Variants in FBXO41 observed in about 807,000 individuals in gnomAD.
FBXO41 encodes the protein F-box only protein 41.
Under a neutral mutation model 81.6 loss-of-function variants are expected in FBXO41, and 33 were observed. The observed-to-expected ratio is 0.40, with a 90% CI of 0.31 to 0.54. The LOEUF (loss-of-function observed/expected upper bound fraction) is 0.54. FBXO41 is among the 20% of genes least tolerant of loss of function. The pLI is 0.39. For synonymous variants in FBXO41, 576 were observed against 552.7 expected, an observed-to-expected ratio of 1.04 and a Z score of -0.59; for missense variants, 1,107 against 1,236.0, an observed-to-expected ratio of 0.90 and a Z score of 1.56.
At position 73,266,481 on chromosome 2, in the gene FBXO41, G is replaced by T; in HGVS notation, c.1107C>A (p.Pro369=). 6.5e-7 allele frequency: 1 copy of T among 1,544,858 alleles called. No individual in the cohort carries two copies. The highest frequency in any genetic ancestry group is 2.4e-5 in the East Asian group (1 of 41,008). The change falls in exon 3 of 13, where the codon CCC becomes CCA. Residue 369 remains proline, a synonymous_variant. Transcript: ENST00000520530. This position sits in a 1 kb window ranked among gnomAD's most constrained non-coding sequence, Gnocchi z 5.3. The stretch of plus-strand genomic sequence containing the variant: ...CCATTCTGCCTGGGCCCCGGGCATT[G>T]GGTCCAGCACCACCGCCCCCACCTC... ...GRGGGGGGAG[P]NARGPGRMRE...
At chr2:73,276,568 G>GAGAC (rs1233946399) in intron 1 of FBXO41, among the ~76,000 whole-genome samples, 6 of 116,748 alleles carry the variant, frequency 5.1e-5, no homozygotes, top group Non-Finnish European at 8.3e-5. Flanking sequence ...TTCAGAGAGA[G>GAGAC]AGAGAGAGAG....
At position 73,269,818 on chromosome 2, in the gene FBXO41, C is replaced by G. The variant is rs1688434556; in HGVS notation, c.-138-50G>C. Reference sequence around the variant, plus strand: ...GGAAGAGGGTATCGCTGCTCCCACCCTGGCTCCCAGCCCGGAGCCCTCATC... The same window carrying G: ...GGAAGAGGGTATCGCTGCTCCCACCGTGGCTCCCAGCCCGGAGCCCTCATC... On this transcript the variant is annotated intron_variant, in intron 1 of 12. Transcript: ENST00000520530. This position sits in a 1 kb window ranked among gnomAD's most constrained non-coding sequence, Gnocchi z 7.0. 1 of 232,698 alleles carries G rather than the reference C, an allele frequency of 4.3e-6. No individual in the cohort carries two copies. The highest frequency in any genetic ancestry group is 1.7e-4 in the South Asian group (1 of 5,774). 14.4% of individuals were successfully genotyped at this position (232,698 alleles called of 1,614,324 possible).
intron 7 of FBXO41, 34 bp downstream of exon 7, chr2:73,263,904 A>G (rs1688121319): frequency 6.2e-7 from 1 of 1,613,594 alleles, no homozygotes; most frequent in Non-Finnish European, 8.5e-7. Flanking sequence ...CTGTGGCCCA[A>G]CAGCACCCAC....
At chr2:73,281,158 G>A (rs966902508) in intron 1 of FBXO41, among the ~76,000 whole-genome samples, 12 of 152,194 alleles carry the variant, frequency 7.9e-5, no homozygotes, top group African/African-American at 2.9e-4. Flanking sequence ...CAAGGCCCAT[G>A]TTAGGCACTG....
rs1229112189 is a variant in FBXO41, at chr2:73,284,285, T to G, written c.-264A>C. 6.6e-6 allele frequency: 1 copy of G among 151,618 alleles called. No individual in the cohort carries two copies. Among genetic ancestry groups the G allele is most frequent in the Non-Finnish European group, 1.5e-5 (1 of 67,858 alleles). The allele number at this position is 151,618 out of a possible 1,614,324, so 9.4% of individuals were successfully genotyped here. On this transcript the variant is annotated 5_prime_UTR_variant, in exon 1 of 13. Transcript: ENST00000520530. The surrounding 1 kb of genome is among the most constrained non-coding windows in gnomAD (Gnocchi z 7.4). Reference sequence around the variant, plus strand: ...CGGATCTCGTTCCCCTCCGCAGCCTTGGGTGGCCGCCGCGGCTAGCGCCCC... The same window carrying G: ...CGGATCTCGTTCCCCTCCGCAGCCTGGGGTGGCCGCCGCGGCTAGCGCCCC...
chr2:73,265,110 A>G (rs1286990951), intron 5 of FBXO41, among the ~76,000 whole-genome samples, 172 bp downstream of exon 5: 1 of 152,132 alleles, frequency 6.6e-6, no homozygotes, highest in Non-Finnish European at 1.5e-5. Context: ...AGACAATCTG[A>G]GCATACTTGT....
At chr2:73,275,436 G>C (rs528434884) in intron 1 of FBXO41, among the ~76,000 whole-genome samples, 1 of 152,126 alleles carries the variant, frequency 6.6e-6, no homozygotes, top group Non-Finnish European at 1.5e-5. Context: ...GCCCACCTTG[G>C]CCTGCCAAAG....
At chr2:73,280,524 C>T (rs1452646924) in intron 1 of FBXO41, among the ~76,000 whole-genome samples, 1 of 152,230 alleles carries the variant, frequency 6.6e-6, no homozygotes, top group Non-Finnish European at 1.5e-5. Context: ...CTGCTTCTCT[C>T]CCATGTGTGT....
At position 73,255,424 on chromosome 2, in the gene FBXO41, G is replaced by C. The variant is rs1240827259; in HGVS notation, c.*3558C>G. The C allele has an allele frequency of 6.5e-6, 1 of 152,860 alleles. No individual in the cohort carries two copies. The highest frequency in any genetic ancestry group is 2.4e-5 in the African/African-American group (1 of 41,470). The allele number at this position is 152,860 out of a possible 1,614,324, so 9.5% of individuals were successfully genotyped here. On this transcript the variant is annotated 3_prime_UTR_variant, in exon 13 of 13. Transcript: ENST00000520530. ...ACACAGCAATATATACAGAAATGCA[G>C]GCCGGGCACAAGGCTGGGTGAGAAA...
At chr2:73,283,425 A>G (rs1318810845) in intron 1 of FBXO41, among the ~76,000 whole-genome samples, 1 of 152,188 alleles carries the variant, frequency 6.6e-6, no homozygotes, top group Non-Finnish European at 1.5e-5. Flanking sequence ...GCAAACAGGC[A>G]TACACCTCCC....
rs558260376 is a variant in FBXO41, at chr2:73,281,189, AG to A, written c.-139+2970del. Among the ~76,000 whole-genome samples the A allele has an allele frequency of 2.0e-5, 3 of 152,326 alleles. No homozygotes were observed. The East Asian group carries it at 5.8e-4, about 29-fold the overall frequency. On this transcript the variant is annotated intron_variant, in intron 1 of 12. Transcript: ENST00000520530. ...CACTGGGTACACATAAATGAATGAG[AG>A]TTGTGCCATTAGGGTGCCTGTAGTT...
chr2:73,263,719 C>T lies in FBXO41; in HGVS notation c.2034G>A (p.Leu678=), dbSNP rs778982930. The change falls in exon 8 of 13, where the codon CTG becomes CTA. Residue 678 remains leucine (L), a synonymous_variant. Coordinates refer to ENST00000520530, the MANE Select transcript of FBXO41 (RefSeq NM_001371389.2). ...GCAGGGCACGGCAGTAGCAGCTGGC[C>T]AGCCAGAGCGAGCGGTCGGTGAGGA... ...PNILTDRSLW[L]ASCYCRALQA... The T allele has an allele frequency of 1.2e-6, 2 of 1,613,934 alleles. No homozygotes were observed. The highest frequency in any genetic ancestry group is 2.2e-5 in the East Asian group (1 of 44,876).
rs1688333869 is a variant in FBXO41 at position 73,268,109 on chromosome 2, GCTATGT to G, written c.905+611_905+616del. 3.3e-5 allele frequency among the ~76,000 whole-genome samples: 5 copies of G among 152,300 alleles called. No homozygotes were observed. In the South Asian group the frequency reaches 1.0e-3, roughly 32 times the overall value. Reference sequence around the variant, plus strand: ...AGTGAAGAAGGCATGTCAGGGATCAGCTATGTCAAATGCCACCAATGGGCCAAGTAA... The same window carrying G: ...AGTGAAGAAGGCATGTCAGGGATCAGCAAATGCCACCAATGGGCCAAGTAA... On this transcript the variant is annotated intron_variant, in intron 2 of 12. Coordinates refer to ENST00000520530, the MANE Select transcript of FBXO41 (RefSeq NM_001371389.2).
chr2:73,259,591 T>C lies in FBXO41; in HGVS notation c.2450-295A>G, dbSNP rs1687934020. 6.6e-6 allele frequency among the ~76,000 whole-genome samples: 1 copy of C among 152,014 alleles called. No individual in the cohort carries two copies. Among genetic ancestry groups the C allele is most frequent in the African/African-American group, 2.4e-5 (1 of 41,380 alleles). The stretch of plus-strand genomic sequence containing the variant: ...GGGCAGCTATACCATGGTCTGGGCA[T>C]TTGGGGATGAATGGCAAGGAACAGA... On this transcript the variant is annotated intron_variant, in intron 11 of 12. Coordinates refer to ENST00000520530, the MANE Select transcript of FBXO41 (RefSeq NM_001371389.2). This position sits in a 1 kb window ranked among gnomAD's most constrained non-coding sequence, Gnocchi z 4.2.
chr2:73,260,437 C>T lies in FBXO41; in HGVS notation c.2401G>A (p.Val801Met), dbSNP rs1320623339. Reference sequence around the variant, plus strand: ...GGGGTGACGGGAGTCGCCGTGAGCACCAGCATCTCCAGTCCCTTCAGGCCT... The same window carrying T: ...GGGGTGACGGGAGTCGCCGTGAGCATCAGCATCTCCAGTCCCTTCAGGCCT... ...REGLKGLEMLVLTATPVTPKA... is the reference protein window; with the variant it reads ...REGLKGLEMLMLTATPVTPKA... The change falls in exon 11 of 13, where the codon GTG (valine) becomes ATG (methionine). Residue 801 changes from valine to methionine, a missense_variant. Physicochemically the swap from Val to Met is conservative, Grantham distance 21. Around this residue, in one of 2 missense-constraint regions of FBXO41, gnomAD observed 336 missense variants for 446.7 expected, o/e 0.75. Transcript: ENST00000520530. This position sits in a 1 kb window ranked among gnomAD's most constrained non-coding sequence, Gnocchi z 5.0. 7.5e-6 allele frequency: 12 copies of T among 1,610,132 alleles called. No homozygotes were observed. In the Admixed American group the frequency reaches 1.3e-4, roughly 18 times the overall value.
At position 73,265,349 on chromosome 2, in the gene FBXO41, C is replaced by G. The variant is rs377555341; in HGVS notation, c.1497G>C (p.Glu499Asp). Residue 499 changes from glutamate to aspartate, a missense_variant, in exon 5 of 13, where the codon GAG becomes GAC. Physicochemically the swap from Glu to Asp is conservative, Grantham distance 45 (BLOSUM62 2). Transcript: ENST00000520530. ...CGGGGCGGGGCGCATCCAACGGGCC[C>G]TCAGCCTCTGACTCAGTGGTTCGGG... ...VGSRTTESEA[E>D]GPLDAPRPGP... 3.4e-5 allele frequency: 55 copies of G among 1,612,016 alleles called. No homozygotes were observed. In the African/African-American group the frequency reaches 5.5e-4, roughly 16 times the overall value.
chr2:73,259,158 C>G lies in FBXO41; in HGVS notation c.2565+23G>C, dbSNP rs1196291389. 2 of 1,613,534 alleles carry G rather than the reference C, an allele frequency of 1.2e-6. No individual in the cohort carries two copies. The highest frequency in any genetic ancestry group is 8.5e-7 in the Non-Finnish European group (1 of 1,179,452). ...TAGGGATGCCACTTGGGGTCTTGGA[C>G]AGCCTCAGAGCTGACCCCTCACCTG... On this transcript the variant is annotated intron_variant, in intron 12 of 12. Transcript: ENST00000520530. The surrounding 1 kb of genome is among the most constrained non-coding windows in gnomAD (Gnocchi z 4.2).
intron 1 of FBXO41, chr2:73,272,959 C>A (rs1688584584): frequency 6.6e-6 from 1 of 152,240 alleles, no homozygotes; most frequent in African/African-American, 2.4e-5. Context: ...GCCCCTCTCA[C>A]AGAGACAGCA....
At chr2:73,272,538 G>A (rs1052239941) in intron 1 of FBXO41, among the ~76,000 whole-genome samples, 1 of 152,204 alleles carries the variant, frequency 6.6e-6, no homozygotes, top group Admixed American at 6.5e-5. Flanking sequence ...CCTCCCAGCT[G>A]GACAGAAGCT....
Sources: gnomAD v4.1 joint callset for allele counts (sites outside exome capture counted in the v4.1 genomes callset) on GRCh38, gnomAD v4.1.1 for gene constraint, gnomAD v4.1.1 regional missense constraint, Gnocchi (gnomAD v3.1) non-coding constraint, MANE v1.5 for transcripts, NCBI Gene and HGNC (gene_info 2026-07-23, HGNC 2026-07-21) for gene names.